FASTKD2: variants seen among roughly 807,000 people sequenced by gnomAD.
FASTKD2 encodes FAST kinase domains 2, also known as FAST kinase domain-containing protein 2, mitochondrial.
A neutral mutation model predicts 63.6 loss-of-function variants in FASTKD2; 51 were observed. That is an observed-to-expected ratio of 0.80 (90% CI 0.64 to 1.01). The LOEUF is 1.01. Ranked by LOEUF, FASTKD2 falls within the 50% of genes least tolerant of loss-of-function variation. The pLI, the probability that FASTKD2 is intolerant of heterozygous loss-of-function variation, is 0.00. For missense variants in FASTKD2, 786 were observed against 831.1 expected, an observed-to-expected ratio of 0.95 and a Z score of 0.67; for synonymous variants, 284 against 293.4, an observed-to-expected ratio of 0.97 and a Z score of 0.33.
Position 206,795,259 on chromosome 2 carries a change from A to G in FASTKD2, c.*3457A>G, listed in dbSNP as rs1184805353. Among the ~76,000 whole-genome samples, 1 of 151,988 alleles carries G rather than the reference A, an allele frequency of 6.6e-6. No homozygotes were observed. Among genetic ancestry groups the G allele is most frequent in the East Asian group, 1.9e-4 (1 of 5,174 alleles). On this transcript the variant is annotated 3_prime_UTR_variant, in exon 12 of 12. Transcript: ENST00000402774. ...TATCTCTTTTTTTTTCCTGAGACGG[A>G]GTCGTGGTCTGTCGCCCAGGCTGGA...
chr2:206,769,317 CTT>C (rs1198101998), intron 2 of FASTKD2, among the ~76,000 whole-genome samples: 1 of 152,140 alleles, frequency 6.6e-6, no homozygotes, highest in African/African-American at 2.4e-5. Context: ...TGACTTAAGA[CTT>C]TGTGATTCAT....
chr2:206,791,317 T>C (rs1273812114), intron 11 of FASTKD2: 1 of 234,242 alleles, frequency 4.3e-6, no homozygotes, highest in African/African-American at 2.3e-5. Context: ...TATTATACTT[T>C]AGTATTGGAA....
At chr2:206,779,365 GT>G in intron 7 of FASTKD2, among the ~76,000 whole-genome samples, 2 of 152,124 alleles carry the variant, frequency 1.3e-5, no homozygotes, top group Middle Eastern at 6.8e-3. Flanking sequence ...ACTGGGGAAT[GT>G]ATTAGTCTAT....
chr2:206,777,483 T>G (rs1483543218), intron 7 of FASTKD2, among the ~76,000 whole-genome samples: 1 of 152,186 alleles, frequency 6.6e-6, no homozygotes, highest in Non-Finnish European at 1.5e-5. Context: ...TTAATTGACT[T>G]GCATATACTG....
At chr2:206,787,159 C>T (rs895982027) in intron 8 of FASTKD2, among the ~76,000 whole-genome samples, 1 of 152,168 alleles carries the variant, frequency 6.6e-6, no homozygotes, top group Non-Finnish European at 1.5e-5. Context: ...TATTTATACT[C>T]TATCCTTCTA....
intron 3 of FASTKD2, among the ~76,000 whole-genome samples, chr2:206,770,471 C>A (rs1052635592): frequency 6.6e-6 from 1 of 152,108 alleles, no homozygotes. Flanking sequence ...TGGCCAGGCG[C>A]AGTGACTCAT....
rs1450870960 is a variant in FASTKD2, at chr2:206,793,687, A to G, written c.*1885A>G. 6.6e-6 allele frequency among the ~76,000 whole-genome samples: 1 copy of G among 152,230 alleles called. No individual in the cohort carries two copies. The highest frequency in any genetic ancestry group is 1.5e-5 in the Non-Finnish European group (1 of 68,034). ...GGATTTGACAAATTTGTGAATATTT[A>G]TGACCACCTTTTAGGGTAGTAATTT... On this transcript the variant is annotated 3_prime_UTR_variant, in exon 12 of 12. Coordinates refer to ENST00000402774, the MANE Select transcript of FASTKD2 (RefSeq NM_001136193.2).
intron 7 of FASTKD2, among the ~76,000 whole-genome samples, chr2:206,779,989 CTT>C (rs1689924608): frequency 6.6e-6 from 1 of 152,190 alleles, no homozygotes. Flanking sequence ...CTGAAAACAA[CTT>C]AACTTCCATT....
Position 206,774,319 on chromosome 2 carries a change from C to G in FASTKD2, c.1349C>G (p.Ser450Cys), listed in dbSNP as rs143772895. ...FMKRIVEDPE[S>C]LNMKNILSIL... is the part of the protein sequence containing the mutation. ...AAGAGAATAGTAGAGGATCCTGAATCCCTAAACATGAAAAACATTCTATCT... is the reference window on the plus strand; with the variant it reads ...AAGAGAATAGTAGAGGATCCTGAATGCCTAAACATGAAAAACATTCTATCT... The change falls in exon 7 of 12, where the codon TCC (serine) becomes TGC (cysteine). Residue 450 changes from serine (S) to cysteine (C), a missense_variant. Physicochemically the swap from Ser to Cys is moderately radical, Grantham distance 112 (BLOSUM62 -1). Coordinates refer to ENST00000402774, the MANE Select transcript of FASTKD2 (RefSeq NM_001136193.2). The G allele has an allele frequency of 6.2e-7, 1 of 1,602,502 alleles. No homozygotes were observed. Among genetic ancestry groups the G allele is most frequent in the Non-Finnish European group, 8.5e-7 (1 of 1,170,002 alleles).
intron 7 of FASTKD2, among the ~76,000 whole-genome samples, chr2:206,781,993 T>A (rs1689998787): frequency 6.6e-6 from 1 of 152,160 alleles, no homozygotes; most frequent in Non-Finnish European, 1.5e-5. Context: ...AATCCTCGGG[T>A]TGCGTACCTT....
chr2:206,786,689 G>T, intron 7 of FASTKD2, 44 bp from the exon 8 acceptor site: 2 of 1,537,044 alleles, frequency 1.3e-6, no homozygotes, highest in Non-Finnish European at 1.8e-6. Context: ...ACAGATATTG[G>T]CCTTCTGTAT....
At chr2:206,766,557 A>C (rs1574660124) in intron 1 of FASTKD2, 87 bp from the exon 2 acceptor site, 13 of 806,450 alleles carry the variant, frequency 1.6e-5, no homozygotes, top group Non-Finnish European at 6.2e-6. Context: ...TAGGTTCCCC[A>C]TTTTCTCTTC....
At chr2:206,770,446 T>C (rs1267002811) in intron 3 of FASTKD2, among the ~76,000 whole-genome samples, 1 of 152,104 alleles carries the variant, frequency 6.6e-6, no homozygotes, top group African/African-American at 2.4e-5. Flanking sequence ...ATTAATTTAT[T>C]TTAAAACATA....
Position 206,786,967 on chromosome 2 carries a change from A to T in FASTKD2, c.1594+68A>T, listed in dbSNP as rs535027700. 2.6e-5 allele frequency: 25 copies of T among 961,726 alleles called. No homozygotes were observed. The East Asian group carries it at 4.6e-4, about 18-fold the overall frequency. 59.6% of individuals were successfully genotyped at this position (961,726 alleles called of 1,614,324 possible). On this transcript the variant is annotated intron_variant, in intron 8 of 11. Transcript: ENST00000402774. Reference sequence around the variant, plus strand: ...CTGCACTACCACTAGCTACCATATGACTCTGAATGGGGTCTTAGTTGGAGC... The same window carrying T: ...CTGCACTACCACTAGCTACCATATGTCTCTGAATGGGGTCTTAGTTGGAGC...
At chr2:206,765,869 G>C (rs1429311051) in intron 1 of FASTKD2, 122 bp downstream of exon 1, 1 of 152,264 alleles carries the variant, frequency 6.6e-6, no homozygotes, top group East Asian at 1.9e-4. Context: ...TTAAGCGCAG[G>C]CCACGTGCAG....
At chr2:206,783,302 T>G (rs1164615513) in intron 7 of FASTKD2, 2 of 150,110 alleles carry the variant, frequency 1.3e-5, no homozygotes, top group African/African-American at 4.9e-5. Flanking sequence ...GGGTAAGACA[T>G]GACAAGTTGT....
At chr2:206,790,939 A>T (rs1690269348) in intron 11 of FASTKD2, 1 of 425,822 alleles carries the variant, frequency 2.3e-6, no homozygotes, top group Non-Finnish European at 4.3e-6. Context: ...TTTTTTGCTA[A>T]GAAGAAGAAT....
intron 9 of FASTKD2, 59 bp downstream of exon 9, chr2:206,788,214 A>G: frequency 7.8e-7 from 1 of 1,279,524 alleles, no homozygotes; most frequent in Non-Finnish European, 1.1e-6. Context: ...TTTTTTTCTG[A>G]CCAAAAAAAT....
At chr2:206,772,040 C>A in intron 5 of FASTKD2, 23 bp downstream of exon 5, 1 of 1,612,256 alleles carries the variant, frequency 6.2e-7, no homozygotes, top group Non-Finnish European at 8.5e-7. Flanking sequence ...TTTCTTTCAT[C>A]ATTTGCAATA....
Sources: allele counts gnomAD v4.1 joint callset (sites outside exome capture counted in the v4.1 genomes callset), GRCh38; gene constraint gnomAD v4.1.1; transcripts MANE v1.5; gene names NCBI Gene and HGNC (gene_info 2026-07-23, HGNC 2026-07-21).